CMTM4: variants seen among roughly 807,000 people sequenced by gnomAD.
The protein encoded by CMTM4 is CKLF-like MARVEL transmembrane domain-containing protein 4.
A neutral mutation model predicts 19.0 loss-of-function variants in CMTM4; 8 were observed. The ratio of observed to expected loss-of-function variants is 0.42; its 90% CI spans 0.25 to 0.76. The LOEUF is 0.76. CMTM4 is among the 30% of genes least tolerant of loss of function. CMTM4 has a pLI of 0.27. For missense variants in CMTM4, 228 were observed against 290.2 expected (o/e 0.79, Z 1.56); for synonymous variants, 106 against 121.1 (o/e 0.88, Z 0.82).
intron 1 of CMTM4, among the ~76,000 whole-genome samples, chr16:66,667,085 G>A (rs950851708): frequency 6.6e-6 from 1 of 152,240 alleles, no homozygotes; most frequent in Non-Finnish European, 1.5e-5. Context: ...AACACTTTGG[G>A]AGGCCGAGGC....
intron 1 of CMTM4, among the ~76,000 whole-genome samples, chr16:66,690,594 T>C (rs1173347718): frequency 6.6e-6 from 1 of 152,158 alleles, no homozygotes; most frequent in Non-Finnish European, 1.5e-5. Flanking sequence ...CTAACAAGGT[T>C]TCCACCAAAT....
intron 1 of CMTM4, among the ~76,000 whole-genome samples, chr16:66,686,552 A>AG (rs1471336583): frequency 6.6e-6 from 1 of 151,350 alleles, no homozygotes; most frequent in Admixed American, 6.6e-5. Flanking sequence ...GTCTCAAAAA[A>AG]AAAAAAAAAA....
the CMTM4 span, among the ~76,000 whole-genome samples, chr16:66,599,588 T>C: frequency 6.6e-6 from 1 of 152,128 alleles, no homozygotes; most frequent in African/African-American, 2.4e-5. Flanking sequence ...CTGGAACTCT[T>C]GGGCTCAAGT....
In CMTM4 at chr16:66,617,815, T is replaced by C; in HGVS notation, c.*4243A>G. On this transcript the variant is annotated 3_prime_UTR_variant, in exon 4 of 4. Coordinates refer to ENST00000394106, the MANE Select transcript of CMTM4 (RefSeq NM_181521.3). ...TGGACCCACATGTTCCTGAGCCAGA[T>C]GCCAGGAGCTCACCCACAGGACGGG... is the stretch of plus-strand genomic sequence containing the variant. The C allele has an allele frequency of 1.0e-6, 1 of 993,344 alleles. No homozygotes were observed. The highest frequency in any genetic ancestry group is 1.2e-6 in the Non-Finnish European group (1 of 835,196). The allele number at this position is 993,344 out of a possible 1,614,324, so 61.5% of individuals were successfully genotyped here.
intron 2 of CMTM4, among the ~76,000 whole-genome samples, chr16:66,630,856 C>G (rs370570179): frequency 6.7e-6 from 1 of 150,222 alleles, no homozygotes; most frequent in African/African-American, 2.5e-5. Flanking sequence ...AAGTGAGGAG[C>G]GTCTCTGCCC....
In CMTM4 at chr16:66,621,812, G is replaced by A. The variant is rs1180057555; in HGVS notation, c.*246C>T. 5.2e-6 allele frequency: 7 copies of A among 1,343,866 alleles called. No individual in the cohort carries two copies. In the East Asian group the frequency reaches 1.1e-4, roughly 22 times the overall value. The allele number at this position is 1,343,866 out of a possible 1,614,324, so 83.2% of individuals were successfully genotyped here. A position where few individuals can be genotyped will look rare whatever the true frequency, so the allele number is the denominator to read the frequency against. ...GAAGCCTGTGCTTCAGGGCAGGTAA[G>A]ACCTCAAGTGGACCTGGGCAGTGAC... On this transcript the variant is annotated 3_prime_UTR_variant, in exon 4 of 4. Transcript: ENST00000394106.
chr16:66,687,682 A>ATTTTTTTTTTTTTTTTTTT (rs1176777153), intron 1 of CMTM4, among the ~76,000 whole-genome samples: 1 of 93,296 alleles, frequency 1.1e-5, no homozygotes, highest in African/African-American at 3.8e-5. Flanking sequence ...AAAAAGGGTA[A>ATTTTTTTTTTTTTTTTTTT]TTTTTTTTTT....
intron 1 of CMTM4, among the ~76,000 whole-genome samples, chr16:66,638,268 T>G (rs1010035082): frequency 6.6e-6 from 1 of 152,174 alleles, no homozygotes; most frequent in South Asian, 2.1e-4. Context: ...AACTTTCACA[T>G]AGCTGGCAGA....
intron 1 of CMTM4, among the ~76,000 whole-genome samples, chr16:66,654,212 A>C (rs776553581): frequency 5.3e-5 from 8 of 152,182 alleles, no homozygotes; most frequent in Non-Finnish European, 1.0e-4. Context: ...ATTGACAAGC[A>C]AAGTGAAGCA....
Position 66,635,671 on chromosome 16 carries a change from C to T in CMTM4, c.363+734G>A, listed in dbSNP as rs188332799. Among the ~76,000 whole-genome samples the T allele has an allele frequency of 4.9e-3, 739 of 152,362 alleles. 25 individuals are homozygous for T. Among genetic ancestry groups the T allele is most frequent in the Admixed American group, 0.043 (660 of 15,306 alleles). ...ATCCCACAGGCACAGCAGTGTGAGG[C>T]AGCCGACTGTGCTTACGTGGATCTC... On this transcript the variant is annotated intron_variant, in intron 2 of 3. Transcript: ENST00000394106.
intron 1 of CMTM4, among the ~76,000 whole-genome samples, chr16:66,657,797 GAAAAGAATC>G (rs958344515): frequency 8.5e-5 from 13 of 152,174 alleles, no homozygotes; most frequent in Non-Finnish European, 1.6e-4. Context: ...ATTAATGAAG[GAAAAGAATC>G]AAAAGAATCA....
chr16:66,681,895 T>G (rs1390059869), intron 1 of CMTM4, among the ~76,000 whole-genome samples: 1 of 152,222 alleles, frequency 6.6e-6, no homozygotes, highest in Non-Finnish European at 1.5e-5. Context: ...ACCTGGGATA[T>G]TCCTTTGCCA....
At chr16:66,664,830 A>G (rs1007163386) in intron 1 of CMTM4, among the ~76,000 whole-genome samples, 8 of 152,322 alleles carry the variant, frequency 5.3e-5, no homozygotes, top group Middle Eastern at 6.8e-3. Context: ...GCATACTAAT[A>G]ATTACATTAA....
intron 1 of CMTM4, among the ~76,000 whole-genome samples, chr16:66,687,933 C>T (rs1037055691): frequency 2.0e-5 from 3 of 151,882 alleles, no homozygotes; most frequent in East Asian, 1.9e-4. Context: ...GTGATCTGCC[C>T]GCCTCGGCCT....
intron 2 of CMTM4, among the ~76,000 whole-genome samples, chr16:66,625,349 G>A (rs1029729789): frequency 4.6e-5 from 7 of 151,498 alleles, no homozygotes; most frequent in Non-Finnish European, 8.8e-5. Context: ...CAGGAGAATC[G>A]CTGGAACCCG....
At chr16:66,675,457 T>TAAA (rs35189676) in intron 1 of CMTM4, among the ~76,000 whole-genome samples, 11 of 115,204 alleles carry the variant, frequency 9.5e-5, no homozygotes, top group South Asian at 2.8e-4. Flanking sequence ...TATTATTCAT[T>TAAA]AAAAAAAAAA....
chr16:66,628,694 C>T (rs1368623590), intron 2 of CMTM4, among the ~76,000 whole-genome samples: 1 of 152,228 alleles, frequency 6.6e-6, no homozygotes, highest in Non-Finnish European at 1.5e-5. Flanking sequence ...TCCCTTTCTA[C>T]ATAGACACAG....
rs372421961 is a variant in CMTM4, at chr16:66,684,814, A to G, written c.186+11526T>C. ...CTGCAGCCCTGCTCTAGAGCCCTGG[A>G]CCACTTCAAACTGAGGTCAAAGTTT... is the stretch of plus-strand genomic sequence containing the variant. On this transcript the variant is annotated intron_variant, in intron 1 of 3. Coordinates refer to ENST00000394106, the MANE Select transcript of CMTM4 (RefSeq NM_181521.3). Among the ~76,000 whole-genome samples, 8 of 152,276 alleles carry G rather than the reference A, an allele frequency of 5.3e-5. No homozygotes were observed. In the South Asian group the frequency reaches 6.2e-4, roughly 12 times the overall value.
At chr16:66,681,316 C>CT (rs11339043) in intron 1 of CMTM4, among the ~76,000 whole-genome samples, 499 of 146,878 alleles carry the variant, frequency 3.4e-3, no homozygotes, top group Non-Finnish European at 5.3e-3. Flanking sequence ...CCTATTAAAT[C>CT]TTTTTTTTTT....
Sources: gnomAD v4.1 joint callset for allele counts (sites outside exome capture counted in the v4.1 genomes callset) on GRCh38, gnomAD v4.1.1 for gene constraint, MANE v1.5 for transcripts, NCBI Gene and HGNC (gene_info 2026-07-23, HGNC 2026-07-21) for gene names.